SPAG17: variants seen among roughly 807,000 people sequenced by gnomAD.
SPAG17 encodes sperm-associated antigen 17.
In SPAG17, 169 loss-of-function variants were observed where a neutral mutation model predicts 273.6. The ratio of observed to expected loss-of-function variants is 0.62; its 90% CI spans 0.55 to 0.70. The LOEUF is 0.70. Among genes scored for constraint, SPAG17 ranks in the 30% least tolerant of loss-of-function variants. SPAG17 has a pLI of 0.00. For missense variants in SPAG17, 2,557 were observed against 2,627.8 expected, an observed-to-expected ratio of 0.97 and a Z score of 0.59; for synonymous variants, 825 against 873.2, an observed-to-expected ratio of 0.94 and a Z score of 0.97.
At chr1:117,969,941 A>G (rs1654361667) in intron 46 of SPAG17, 115 bp downstream of exon 46, 1 of 908,998 alleles carries the variant, frequency 1.1e-6, no homozygotes, top group Non-Finnish European at 1.7e-6. Flanking sequence ...CAGTAGACTT[A>G]TACATAGTTT....
chr1:118,008,296 A>C, intron 30 of SPAG17, 98 bp from the exon 31 acceptor site: 1 of 1,398,208 alleles, frequency 7.2e-7, no homozygotes. Flanking sequence ...GGCTGTCTGG[A>C]TTCCCCATGG....
chr1:117,980,283 G>C (rs1048201771), intron 43 of SPAG17, among the ~76,000 whole-genome samples: 3 of 152,074 alleles, frequency 2.0e-5, no homozygotes, highest in Admixed American at 1.3e-4. Flanking sequence ...CTAGGCTGGA[G>C]TGCAGTGGCA....
intron 3 of SPAG17, among the ~76,000 whole-genome samples, chr1:118,123,710 T>A (rs1657547715): frequency 6.6e-6 from 1 of 152,230 alleles, no homozygotes; most frequent in Non-Finnish European, 1.5e-5. Context: ...CCCTTACATC[T>A]GTGCTGAAAT....
intron 3 of SPAG17, among the ~76,000 whole-genome samples, chr1:118,123,150 TG>T (rs1412361866): frequency 1.3e-5 from 2 of 152,224 alleles, no homozygotes; most frequent in Non-Finnish European, 2.9e-5. Flanking sequence ...AATAGTGTTC[TG>T]TAATTTTACA....
intron 20 of SPAG17, among the ~76,000 whole-genome samples, chr1:118,051,961 A>C (rs2101982481): frequency 7.3e-6 from 1 of 137,636 alleles, no homozygotes; most frequent in Non-Finnish European, 1.5e-5. Context: ...CATATATTAC[A>C]TTATGTACAT....
At chr1:117,996,257 A>G (rs1657638097) in intron 34 of SPAG17, 113 bp downstream of exon 34, 4 of 1,276,502 alleles carry the variant, frequency 3.1e-6, no homozygotes, top group Non-Finnish European at 4.3e-6. Context: ...AAAGTAGAGC[A>G]GAAAAGTGAG....
chr1:118,141,802 G>A (rs1658697107), intron 3 of SPAG17, among the ~76,000 whole-genome samples: 1 of 152,106 alleles, frequency 6.6e-6, no homozygotes, highest in African/African-American at 2.4e-5. Context: ...TTTTAGAAAT[G>A]GTTACTACTG....
chr1:118,074,594 G>C lies in SPAG17; in HGVS notation c.2216C>G (p.Thr739Ser), dbSNP rs146562685. Residue 739 changes from threonine (T) to serine (S), a missense_variant, in exon 16 of 49, where the codon ACC (threonine) becomes AGC (serine). Physicochemically the swap from Thr to Ser is moderately conservative, Grantham distance 58. Coordinates refer to ENST00000336338, the MANE Select transcript of SPAG17 (RefSeq NM_206996.4). ...ATCATCTTTGATCTCATTGTTTGTGGTCTGCTCTGCAAATCAAAGACACCA... is the reference window on the plus strand; with the variant it reads ...ATCATCTTTGATCTCATTGTTTGTGCTCTGCTCTGCAAATCAAAGACACCA... Reference protein sequence around the residue: ...AQPQHESLEQTTNNEIKDDAV... With the variant: ...AQPQHESLEQSTNNEIKDDAV... The C allele has an allele frequency of 1.2e-6, 2 of 1,613,296 alleles. No homozygotes were observed. Among genetic ancestry groups the C allele is most frequent in the African/African-American group, 2.7e-5 (2 of 74,862 alleles).
rs754757973 is a variant in SPAG17, at chr1:118,039,356, T to C, written c.3255A>G (p.Glu1085=). 2.5e-6 allele frequency: 4 copies of C among 1,613,576 alleles called. No individual in the cohort carries two copies. In the South Asian group the frequency reaches 4.4e-5, roughly 18 times the overall value. Residue 1085 remains glutamate (E), a synonymous_variant, in exon 23 of 49, where the codon GAA becomes GAG. Transcript: ENST00000336338. ...LNDPKEIVKK[E]EKGDYYLEEE... Reference sequence around the variant, plus strand: ...CTTCTAAATAATAATCCCCTTTCTCTTCCTTTTTCACAATTTCCTTAGGGT... The same window carrying C: ...CTTCTAAATAATAATCCCCTTTCTCCTCCTTTTTCACAATTTCCTTAGGGT...
intron 1 of SPAG17, among the ~76,000 whole-genome samples, chr1:118,173,227 C>T (rs548569743): frequency 7.2e-5 from 11 of 152,098 alleles, no homozygotes; most frequent in South Asian, 2.1e-4. Flanking sequence ...AAATTCAACA[C>T]GTAATACAGT....
At chr1:118,006,212 C>A (rs756651895) in intron 31 of SPAG17, among the ~76,000 whole-genome samples, 5 of 152,192 alleles carry the variant, frequency 3.3e-5, no homozygotes, top group Non-Finnish European at 7.4e-5. Flanking sequence ...TTCCGTAACA[C>A]TTTTATCATC....
chr1:117,989,862 G>A lies in SPAG17; in HGVS notation c.5521+999C>T, dbSNP rs931088126. On this transcript the variant is annotated intron_variant, in intron 38 of 48. Transcript: ENST00000336338. ...CCCGAAGTGCTAGGATTACAGGCAA[G>A]AGCCACCAGGCCGGGCCTGGGGATC... Among the ~76,000 whole-genome samples, 8 of 152,148 alleles carry A rather than the reference G, an allele frequency of 5.3e-5. No individual in the cohort carries two copies. In the South Asian group the frequency reaches 1.7e-3, roughly 32 times the overall value.
chr1:118,144,569 A>G (rs1658865794), intron 3 of SPAG17, among the ~76,000 whole-genome samples: 1 of 152,150 alleles, frequency 6.6e-6, no homozygotes, highest in South Asian at 2.1e-4. Flanking sequence ...ACATTTATAA[A>G]TATCAGGTTG....
chr1:118,173,652 A>T (rs1024020517), intron 1 of SPAG17, among the ~76,000 whole-genome samples: 5 of 152,176 alleles, frequency 3.3e-5, no homozygotes, highest in Non-Finnish European at 7.3e-5. Flanking sequence ...AAAAGCAGTC[A>T]TATATGGGAG....
chr1:118,119,867 GC>G (rs1657321426), intron 3 of SPAG17, among the ~76,000 whole-genome samples: 1 of 152,132 alleles, frequency 6.6e-6, no homozygotes, highest in South Asian at 2.1e-4. Flanking sequence ...CATATTAAGT[GC>G]TTTGTGGTTT....
At chr1:118,064,310 A>C (rs1358780938) in intron 18 of SPAG17, among the ~76,000 whole-genome samples, 1 of 151,948 alleles carries the variant, frequency 6.6e-6, no homozygotes, top group African/African-American at 2.4e-5. Context: ...GGCACTATTC[A>C]CAATAGCAAA....
intron 44 of SPAG17, 116 bp downstream of exon 44, chr1:117,973,309 A>T: frequency 7.4e-7 from 1 of 1,352,532 alleles, no homozygotes; most frequent in Non-Finnish European, 1.0e-6. Context: ...TAATAACTTC[A>T]ATGAATCAGA....
chr1:118,097,884 G>A, intron 6 of SPAG17, 33 bp from the exon 7 acceptor site: 1 of 1,465,322 alleles, frequency 6.8e-7, no homozygotes, highest in Non-Finnish European at 9.2e-7. Flanking sequence ...ATTACCAAAT[G>A]AGAGTGTTAA....
chr1:117,958,826 T>A (rs1044445282), intron 48 of SPAG17: 4 of 908,240 alleles, frequency 4.4e-6, no homozygotes, highest in Admixed American at 4.9e-5. Flanking sequence ...GTTGCTTTGA[T>A]ATTGTGTCTG....
Sources: allele counts gnomAD v4.1 joint callset (sites outside exome capture counted in the v4.1 genomes callset), GRCh38; gene constraint gnomAD v4.1.1; transcripts MANE v1.5; gene names NCBI Gene and HGNC (gene_info 2026-07-23, HGNC 2026-07-21).